Variants in ZNF763 observed in about 807,000 individuals in gnomAD.
ZNF763 encodes the protein zinc finger protein 763.
A neutral mutation model predicts 38.0 loss-of-function variants in ZNF763; 33 were observed. That is an observed-to-expected ratio of 0.87 (90% CI 0.66 to 1.16). The LOEUF (loss-of-function observed/expected upper bound fraction) is 1.16. Ranked by LOEUF, ZNF763 falls within the 50% of genes most tolerant of loss-of-function variation. The pLI is 0.00. For synonymous variants in ZNF763, 155 were observed against 160.1 expected (o/e 0.97, Z 0.24); for missense variants, 423 against 469.1 (o/e 0.90, Z 0.91).
At chr19:11,976,793 G>A in intron 1 of ZNF763, 4 of 1,137,696 alleles carry the variant, frequency 3.5e-6, no homozygotes, top group Non-Finnish European at 4.6e-6. Flanking sequence ...TTGAACCCCG[G>A]TCATGAGCCA....
intron 1 of ZNF763, chr19:11,976,782 C>A: frequency 9.9e-7 from 1 of 1,008,104 alleles, no homozygotes; most frequent in Non-Finnish European, 1.3e-6. Context: ...AGGAGAATCG[C>A]TTGAACCCCG....
Position 11,980,045 on chromosome 19 carries a change from C to T in ZNF763, c.*936C>T. On this transcript the variant is annotated 3_prime_UTR_variant, in exon 4 of 4. Transcript: ENST00000358987. ...TTCTTTTCGATAACATGAAAGGACT[C>T]ACACTGGAGAGAAACCCTATGAGTG... 1 of 1,096,076 alleles carries T rather than the reference C, an allele frequency of 9.1e-7. No homozygotes were observed. Among genetic ancestry groups the T allele is most frequent in the Non-Finnish European group, 1.4e-6 (1 of 730,732 alleles). The allele number at this position is 1,096,076 out of a possible 1,614,324, so 67.9% of individuals were successfully genotyped here. A position where few individuals can be genotyped will look rare whatever the true frequency, so the allele number is the denominator to read the frequency against.
chr19:11,977,802 A>T (rs1292690689), intron 3 of ZNF763, among the ~76,000 whole-genome samples: 1 of 152,208 alleles, frequency 6.6e-6, no homozygotes. Flanking sequence ...AGGCTGTGGT[A>T]AGCAATGATG....
At chr19:11,976,761 G>A (rs376016926) in intron 1 of ZNF763, 1 of 670,430 alleles carries the variant, frequency 1.5e-6, no homozygotes, top group African/African-American at 1.9e-5. Context: ...AGCTACTCGG[G>A]AGGCTGAGGC....
chr19:11,971,969 G>C (rs913908004), intron 1 of ZNF763, among the ~76,000 whole-genome samples: 1 of 151,938 alleles, frequency 6.6e-6, no homozygotes, highest in African/African-American at 2.4e-5. Flanking sequence ...GGATGAGGCA[G>C]GAGAATCGCT....
chr19:11,968,558 G>C (rs540489355), intron 1 of ZNF763, among the ~76,000 whole-genome samples: 1 of 152,314 alleles, frequency 6.6e-6, no homozygotes, highest in East Asian at 1.9e-4. Context: ...TTAATTTGTA[G>C]TGGTTTGCTT....
chr19:11,979,799 T>A lies in ZNF763; in HGVS notation c.*690T>A. ...TCACACTGGAGAGAAACCCTATGAG[T>A]GTAAGGAATGTGGGAAAGCCTTCAG... On this transcript the variant is annotated 3_prime_UTR_variant, in exon 4 of 4. Transcript: ENST00000358987. The A allele has an allele frequency of 2.5e-6, 4 of 1,574,714 alleles. No individual in the cohort carries two copies. The Admixed American group carries it at 6.8e-5, about 27-fold the overall frequency.
chr19:11,980,082 G>GA lies in ZNF763; in HGVS notation c.*978dup. 9.6e-7 allele frequency: 1 copy of GA among 1,041,464 alleles called. No homozygotes were observed. The highest frequency in any genetic ancestry group is 1.4e-6 in the Non-Finnish European group (1 of 693,162). The allele number at this position is 1,041,464 out of a possible 1,614,324, so 64.5% of individuals were successfully genotyped here. ...AAACCCTATGAGTGTAAGCAATGTG[G>GA]AAAAACCTTCAGATCTACCTCACAC... On this transcript the variant is annotated 3_prime_UTR_variant, in exon 4 of 4. Transcript: ENST00000358987.
rs1973580240 is a variant in ZNF763, at chr19:11,979,716, G to A, written c.*607G>A. On this transcript the variant is annotated 3_prime_UTR_variant, in exon 4 of 4. Coordinates refer to ENST00000358987, the MANE Select transcript of ZNF763 (RefSeq NM_001367172.2). ...CACCCTGAAGAGAAGCCCTACGAGT[G>A]TAAGCAATGTGGGAAAGCCTTCAGA... The A allele has an allele frequency of 6.2e-7, 1 of 1,600,002 alleles. No homozygotes were observed. Among genetic ancestry groups the A allele is most frequent in the Non-Finnish European group, 8.5e-7 (1 of 1,169,740 alleles).
Position 11,978,188 on chromosome 19 carries a change from A to C in ZNF763, c.264A>C (p.Pro88=). 1 of 1,614,082 alleles carries C rather than the reference A, an allele frequency of 6.2e-7. No individual in the cohort carries two copies. The highest frequency in any genetic ancestry group is 8.5e-7 in the Non-Finnish European group (1 of 1,179,964). ...GTGGAGAAACTTTTACCCAGGTTCC[A>C]GATGACAGGCTGAACTTCCAGGAGA... The part of the protein sequence containing the change: ...SHCGETFTQV[P]DDRLNFQEKK... Residue 88 remains proline, a synonymous_variant, in exon 4 of 4, where the codon CCA becomes CCC. Coordinates refer to ENST00000358987, the MANE Select transcript of ZNF763 (RefSeq NM_001367172.2).
chr19:11,965,323 C>A, intron 1 of ZNF763, 112 bp downstream of exon 1: 12 of 1,460,770 alleles, frequency 8.2e-6, no homozygotes, highest in Non-Finnish European at 1.0e-5. Flanking sequence ...GGGTCTGGGA[C>A]CGAGTCCTCC....
chr19:11,965,636 T>C (rs1354031801), intron 1 of ZNF763, among the ~76,000 whole-genome samples: 1 of 152,020 alleles, frequency 6.6e-6, no homozygotes, highest in Non-Finnish European at 1.5e-5. Context: ...AATTAAAGAG[T>C]TCATTTGAGC....
At chr19:11,973,880 A>G (rs750228486) in intron 1 of ZNF763, among the ~76,000 whole-genome samples, 5 of 152,150 alleles carry the variant, frequency 3.3e-5, no homozygotes, top group Non-Finnish European at 7.3e-5. Context: ...CAGTAAGACC[A>G]TGCTTATTTT....
chr19:11,972,980 A>T (rs2145333378), intron 1 of ZNF763, among the ~76,000 whole-genome samples: 1 of 152,324 alleles, frequency 6.6e-6, no homozygotes, highest in African/African-American at 2.4e-5. Context: ...ATATCCCACA[A>T]TTGATGCAAG....
chr19:11,972,154 G>A (rs1009051076), intron 1 of ZNF763, among the ~76,000 whole-genome samples: 1 of 151,910 alleles, frequency 6.6e-6, no homozygotes, highest in Admixed American at 6.6e-5. Context: ...TCATGGTGAT[G>A]TGTACCTGTA....
rs753576374 is a variant in ZNF763 at position 11,978,661 on chromosome 19, A to T, written c.737A>T (p.His246Leu). The stretch of plus-strand genomic sequence containing the variant: ...AGTTATTCTGCTACCCATCGAATAC[A>T]TGAAAGAACTCACACTGGAGAAAAG... ...SFSYSATHRIHERTHTGEKPY... is the reference protein window; with the variant it reads ...SFSYSATHRILERTHTGEKPY... Residue 246 changes from histidine to leucine, a missense_variant, in exon 4 of 4, where the codon CAT (histidine) becomes CTT (leucine). Physicochemically the swap from His to Leu is moderately conservative, Grantham distance 99. Transcript: ENST00000358987. 5.6e-6 allele frequency: 9 copies of T among 1,614,146 alleles called. No individual in the cohort carries two copies. In the East Asian group the frequency reaches 2.0e-4, roughly 36 times the overall value.
At chr19:11,972,097 C>T (rs1973364035) in intron 1 of ZNF763, among the ~76,000 whole-genome samples, 1 of 151,432 alleles carries the variant, frequency 6.6e-6, no homozygotes, top group African/African-American at 2.4e-5. Context: ...GAAATTAGTC[C>T]AGCCTGGGTA....
rs367926652 is a variant in ZNF763 at position 11,977,054 on chromosome 19, A to G, written c.20A>G (p.Glu7Gly). The G allele has an allele frequency of 5.0e-6, 8 of 1,614,114 alleles. No individual in the cohort carries two copies. The East Asian group carries it at 1.6e-4, about 31-fold the overall frequency. Residue 7 changes from glutamate to glycine, a missense_variant, in exon 2 of 4, where the codon GAG (glutamate) becomes GGG (glycine). Transcript: ENST00000358987. ...ATGTTTCAGGACCCTGTGGCCTGTG[A>G]GGATGTTGCTGTGAACTTCACCCAG... is the stretch of plus-strand genomic sequence containing the variant. MDPVACEDVAVNFTQEE... is the reference protein window; with the variant it reads MDPVACGDVAVNFTQEE...
At chr19:11,967,132 C>T (rs1001139525) in intron 1 of ZNF763, among the ~76,000 whole-genome samples, 1 of 152,120 alleles carries the variant, frequency 6.6e-6, no homozygotes, top group Non-Finnish European at 1.5e-5. Flanking sequence ...GTCAAGAGTT[C>T]GAGACCACCC....
Sources: allele counts gnomAD v4.1 joint callset (sites outside exome capture counted in the v4.1 genomes callset), GRCh38; gene constraint gnomAD v4.1.1; transcripts MANE v1.5; gene names NCBI Gene and HGNC (gene_info 2026-07-23, HGNC 2026-07-21).